Variants in LYSMD1 observed in about 807,000 individuals in gnomAD.
The protein encoded by LYSMD1 is LysM domain containing 1, also known as lysM and putative peptidoglycan-binding domain-containing protein 1.
LYSMD1 carries 9 observed loss-of-function variants against 19.3 expected under a neutral mutation model. The observed-to-expected ratio is 0.47, with a 90% confidence interval of 0.28 to 0.81. The LOEUF (loss-of-function observed/expected upper bound fraction) is 0.81, where lower values mean the gene tolerates loss of function less well. Among genes scored for constraint, LYSMD1 ranks in the 40% least tolerant of loss-of-function variants. The pLI, the probability that LYSMD1 is intolerant of heterozygous loss-of-function variation, is 0.11. For missense variants in LYSMD1, 262 were observed against 279.8 expected (o/e 0.94, Z 0.45); for synonymous variants, 111 against 111.7 (o/e 0.99, Z 0.04).
In LYSMD1 at chr1:151,165,563, G is replaced by T; in HGVS notation, c.-305C>A. On this transcript the variant is annotated 5_prime_UTR_variant, in exon 1 of 3. Coordinates refer to ENST00000368908, the MANE Select transcript of LYSMD1 (RefSeq NM_212551.5). Reference sequence around the variant, plus strand: ...ATTGACCTCTGACCTTTGAACTCTAGAAATAATCCTCAACACTCTTTCCTC... The same window carrying T: ...ATTGACCTCTGACCTTTGAACTCTATAAATAATCCTCAACACTCTTTCCTC... 6.8e-7 allele frequency: 1 copy of T among 1,467,540 alleles called. No individual in the cohort carries two copies. Among genetic ancestry groups the T allele is most frequent in the Non-Finnish European group, 9.0e-7 (1 of 1,115,578 alleles). 90.9% of individuals were successfully genotyped at this position (1,467,540 alleles called of 1,614,324 possible).
chr1:151,160,892 A>C lies in LYSMD1; in HGVS notation c.674T>G (p.Phe225Cys). 2 of 1,613,808 alleles carry C rather than the reference A, an allele frequency of 1.2e-6. No homozygotes were observed. Among genetic ancestry groups the C allele is most frequent in the Non-Finnish European group, 1.7e-6 (2 of 1,179,738 alleles). The change falls in exon 3 of 3, where the codon TTC (phenylalanine) becomes TGC (cysteine). Residue 225 changes from phenylalanine to cysteine, a missense_variant. Phe to Cys is a radical substitution (Grantham distance 205). Coordinates refer to ENST00000368908, the MANE Select transcript of LYSMD1 (RefSeq NM_212551.5). The stretch of plus-strand genomic sequence containing the variant: ...TCAGTTCTGGGGACATCAGAGTTTG[A>C]AGATTTCATCCTCCTGGTCCCGTAG... ...RTLRDQEDEI[F>C]KL
At chr1:151,159,168 G>A (rs367965730), downstream of LYSMD1, 26 of 1,614,176 alleles carry the variant, frequency 1.6e-5, no homozygotes, top group African/African-American at 1.3e-4. Context: ...GTCTGCTCAC[G>A]GCCCTCTATG....
chr1:151,154,958 C>G (rs911027038), downstream of LYSMD1, among the ~76,000 whole-genome samples: 4 of 152,116 alleles, frequency 2.6e-5, no homozygotes, highest in Non-Finnish European at 4.4e-5. Context: ...CAGGGTTTCA[C>G]CACGTTGGCC....
chr1:151,155,662 G>C (rs1683200632), downstream of LYSMD1, among the ~76,000 whole-genome samples: 1 of 152,214 alleles, frequency 6.6e-6, no homozygotes, highest in Non-Finnish European at 1.5e-5. Flanking sequence ...GCTGCAGTCA[G>C]CTGTGATGAT....
At chr1:151,155,712 T>G (rs587609641), downstream of LYSMD1, among the ~76,000 whole-genome samples, 13 of 152,124 alleles carry the variant, frequency 8.5e-5, no homozygotes, top group East Asian at 2.5e-3. Flanking sequence ...TGAGACCCTA[T>G]CTCAAAAACA....
intron 2 of LYSMD1, among the ~76,000 whole-genome samples, 162 bp from the exon 3 acceptor site, chr1:151,161,182 T>C (rs938885487): frequency 1.3e-5 from 2 of 152,184 alleles, no homozygotes; most frequent in Non-Finnish European, 2.9e-5. Context: ...TGCTCCTTCA[T>C]GGATGATCAG....
the LYSMD1 span, among the ~76,000 whole-genome samples, chr1:151,152,796 C>T: frequency 6.6e-6 from 1 of 152,216 alleles, no homozygotes; most frequent in Non-Finnish European, 1.5e-5. Flanking sequence ...CTTTAAATCA[C>T]ACTAAACTTA....
downstream of LYSMD1, chr1:151,159,117 T>C (rs1683341578): frequency 6.2e-7 from 1 of 1,614,070 alleles, no homozygotes; most frequent in African/African-American, 1.3e-5. Flanking sequence ...CCAAGTCACA[T>C]GGCCGCATCC....
Position 151,165,765 on chromosome 1 carries a change from C to T in LYSMD1, c.-507G>A. The T allele has an allele frequency of 6.4e-7, 1 of 1,551,708 alleles. No homozygotes were observed. Among genetic ancestry groups the T allele is most frequent in the Non-Finnish European group, 8.7e-7 (1 of 1,146,972 alleles). On this transcript the variant is annotated 5_prime_UTR_variant, in exon 1 of 3. Coordinates refer to ENST00000368908, the MANE Select transcript of LYSMD1 (RefSeq NM_212551.5). ...AGTACACCTTCCACTCAGAGATCCT[C>T]AAAGGTCCGCTCCGCATAAGATAGG... is the stretch of plus-strand genomic sequence containing the variant.
chr1:151,159,098 A>G, downstream of LYSMD1: 1 of 1,614,064 alleles, frequency 6.2e-7, no homozygotes, highest in East Asian at 2.2e-5. Flanking sequence ...GTGGAACACC[A>G]CCTCACGCCC....
chr1:151,158,613 A>G (rs1683312995), downstream of LYSMD1: 3 of 1,281,088 alleles, frequency 2.3e-6, no homozygotes, highest in Non-Finnish European at 3.2e-6. Context: ...AAGCAACAGA[A>G]AAGGGAAAAG....
intron 1 of LYSMD1, among the ~76,000 whole-genome samples, chr1:151,163,765 C>G (rs1429702412): frequency 2.0e-5 from 3 of 151,906 alleles, no homozygotes; most frequent in African/African-American, 7.3e-5. Flanking sequence ...CGAGCTCAAG[C>G]AATCCACCCA....
chr1:151,149,394 T>G, the LYSMD1 span, among the ~76,000 whole-genome samples: 1 of 149,290 alleles, frequency 6.7e-6, no homozygotes. Context: ...GGGAGACTCT[T>G]AAAAAAATAA....
In LYSMD1 at chr1:151,165,516, C is replaced by A. The variant is rs2101697311; in HGVS notation, c.-258G>T. 1 of 1,441,438 alleles carries A rather than the reference C, an allele frequency of 6.9e-7. No individual in the cohort carries two copies. The highest frequency in any genetic ancestry group is 9.1e-7 in the Non-Finnish European group (1 of 1,103,590). 89.3% of individuals were successfully genotyped at this position (1,441,438 alleles called of 1,614,324 possible). A position where few individuals can be genotyped will look rare whatever the true frequency, so the allele number is the denominator to read the frequency against. On this transcript the variant is annotated 5_prime_UTR_variant, in exon 1 of 3. Coordinates refer to ENST00000368908, the MANE Select transcript of LYSMD1 (RefSeq NM_212551.5). ...CCCTAAGCACCCCTCCGACTTTGGA[C>A]TCCCCCACAACTCCTCGCTACATTG...
chr1:151,158,699 T>A (rs758698108), downstream of LYSMD1: 1 of 1,596,146 alleles, frequency 6.3e-7, no homozygotes. Context: ...CCAGGACCCA[T>A]GGAGTCCTTC....
At chr1:151,151,158 G>A in the LYSMD1 span, among the ~76,000 whole-genome samples, 3 of 151,986 alleles carry the variant, frequency 2.0e-5, no homozygotes, top group Non-Finnish European at 2.9e-5. Flanking sequence ...CCGACAATGA[G>A]AACAGTTACA....
At chr1:151,163,567 C>T (rs768650618) in intron 1 of LYSMD1, among the ~76,000 whole-genome samples, 88 of 152,120 alleles carry the variant, frequency 5.8e-4, no homozygotes, top group Middle Eastern at 3.4e-3. Context: ...CTCACTCTGT[C>T]GCCCAGCCTG....
chr1:151,152,201 T>A, the LYSMD1 span, among the ~76,000 whole-genome samples: 1 of 146,320 alleles, frequency 6.8e-6, no homozygotes, highest in Non-Finnish European at 1.5e-5. Context: ...ATCGAGACCA[T>A]CCTGGCTAAC....
At chr1:151,155,608 T>C (rs1218021059), downstream of LYSMD1, among the ~76,000 whole-genome samples, 4 of 152,026 alleles carry the variant, frequency 2.6e-5, no homozygotes, top group Admixed American at 6.5e-5. Context: ...CCCAGCTACT[T>C]GGGAGGCTGA....
Sources: allele counts gnomAD v4.1 joint callset (sites outside exome capture counted in the v4.1 genomes callset), GRCh38; gene constraint gnomAD v4.1.1; transcripts MANE v1.5; gene names NCBI Gene and HGNC (gene_info 2026-07-23, HGNC 2026-07-21).